IMMP2L: variants seen among roughly 807,000 people sequenced by gnomAD.
IMMP2L encodes mitochondrial inner membrane protease subunit 2.
A neutral mutation model predicts 19.3 loss-of-function variants in IMMP2L; 18 were observed. The observed-to-expected ratio is 0.93, with a 90% CI of 0.64 to 1.38. The LOEUF (loss-of-function observed/expected upper bound fraction) is 1.38. IMMP2L is among the 40% of genes most tolerant of loss of function. The pLI is 0.00. For missense variants in IMMP2L, 233 were observed against 218.2 expected, an observed-to-expected ratio of 1.07 and a Z score of -0.43; for synonymous variants, 76 against 73.0, an observed-to-expected ratio of 1.04 and a Z score of -0.21.
At chr7:111,280,173 C>T (rs1249294635) in intron 3 of IMMP2L, among the ~76,000 whole-genome samples, 9 of 152,160 alleles carry the variant, frequency 5.9e-5, no homozygotes, top group Admixed American at 5.9e-4. Context: ...TCATTATTCT[C>T]ATCCATCATT....
chr7:111,266,950 C>T (rs1817900785), intron 3 of IMMP2L, among the ~76,000 whole-genome samples: 1 of 152,060 alleles, frequency 6.6e-6, no homozygotes, highest in African/African-American at 2.4e-5. Context: ...AAGTCAAGGC[C>T]CGGGTGTCTT....
At chr7:111,037,211 A>G (rs1164806241) in intron 3 of IMMP2L, among the ~76,000 whole-genome samples, 2 of 152,192 alleles carry the variant, frequency 1.3e-5, no homozygotes, top group Non-Finnish European at 2.9e-5. Context: ...CCAAACTAAC[A>G]TATACATAGT....
At position 110,924,734 on chromosome 7, in the gene IMMP2L, A is replaced by G. The variant is rs1185798829; in HGVS notation, c.306-38039T>C. Among the ~76,000 whole-genome samples, 1 of 152,140 alleles carries G rather than the reference A, an allele frequency of 6.6e-6. No homozygotes were observed. Among genetic ancestry groups the G allele is most frequent in the Admixed American group, 6.6e-5 (1 of 15,244 alleles). On this transcript the variant is annotated intron_variant, in intron 4 of 5. Coordinates refer to ENST00000405709, the MANE Select transcript of IMMP2L (RefSeq NM_032549.4). This position sits in a 1 kb window ranked among gnomAD's most constrained non-coding sequence, Gnocchi z 4.2. ...TTCTTCTTTCAGTGCTTTGGAAGGTACAGGAACAGCATTTCCCACCTTTTA... is the reference window on the plus strand; with the variant it reads ...TTCTTCTTTCAGTGCTTTGGAAGGTGCAGGAACAGCATTTCCCACCTTTTA...
intron 5 of IMMP2L, among the ~76,000 whole-genome samples, chr7:110,684,972 A>T (rs548560209): frequency 6.6e-6 from 1 of 151,840 alleles, no homozygotes; most frequent in Admixed American, 6.6e-5. Context: ...GTGATTTTTA[A>T]TTTTTTTTCC....
chr7:111,556,470 T>C (rs1791373766), intron 1 of IMMP2L, among the ~76,000 whole-genome samples: 1 of 152,080 alleles, frequency 6.6e-6, no homozygotes, highest in African/African-American at 2.4e-5. Context: ...AGAACAATTA[T>C]CTCCTAAGAG....
intron 3 of IMMP2L, among the ~76,000 whole-genome samples, chr7:111,281,162 GAAA>G: frequency 4.4e-5 from 1 of 22,686 alleles, no homozygotes; most frequent in South Asian, 2.3e-3. Flanking sequence ...AAGACAGAAA[GAAA>G]GAAAGAAAGA....
intron 3 of IMMP2L, among the ~76,000 whole-genome samples, chr7:111,400,297 C>T (rs531185375): frequency 2.6e-5 from 4 of 152,242 alleles, no homozygotes; most frequent in African/African-American, 7.2e-5. Context: ...CAGTGACTAA[C>T]GATTGCAACA....
chr7:111,336,686 C>A (rs1826446958), intron 3 of IMMP2L, among the ~76,000 whole-genome samples: 1 of 151,908 alleles, frequency 6.6e-6, no homozygotes, highest in African/African-American at 2.4e-5. Context: ...ATTTCTTGCT[C>A]TTTCTCAATG....
chr7:110,723,269 T>A (rs1430271916), intron 5 of IMMP2L, among the ~76,000 whole-genome samples: 1 of 152,094 alleles, frequency 6.6e-6, no homozygotes, highest in African/African-American at 2.4e-5. Flanking sequence ...AACATTCCCC[T>A]CCAAGCAAAG....
chr7:110,731,530 G>A (rs546164036), intron 5 of IMMP2L, among the ~76,000 whole-genome samples: 47 of 152,208 alleles, frequency 3.1e-4, no homozygotes, highest in South Asian at 6.2e-4. Flanking sequence ...TAATTTGGGG[G>A]TGACACAGGA....
chr7:111,140,460 A>C (rs1802766504), intron 3 of IMMP2L, among the ~76,000 whole-genome samples: 1 of 152,200 alleles, frequency 6.6e-6, no homozygotes, highest in Non-Finnish European at 1.5e-5. Flanking sequence ...CAGGGTTCTG[A>C]AACCTAAATA....
At chr7:110,918,042 CCAA>C (rs1813821040) in intron 4 of IMMP2L, among the ~76,000 whole-genome samples, 1 of 152,196 alleles carries the variant, frequency 6.6e-6, no homozygotes, top group East Asian at 1.9e-4. Context: ...CACTTTACCA[CCAA>C]CAACAGGCCA....
chr7:110,774,135 C>G (rs531255142), intron 5 of IMMP2L, among the ~76,000 whole-genome samples: 13 of 151,836 alleles, frequency 8.6e-5, no homozygotes, highest in Non-Finnish European at 1.8e-4. Flanking sequence ...ATAGTTTTAC[C>G]AAATTTAAAA....
intron 5 of IMMP2L, among the ~76,000 whole-genome samples, chr7:110,841,853 A>G (rs1325992198): frequency 6.6e-6 from 1 of 152,160 alleles, no homozygotes; most frequent in Non-Finnish European, 1.5e-5. Flanking sequence ...AAATTCAACT[A>G]TTTCACCCTG....
At chr7:110,692,509 T>C (rs1201228705) in intron 5 of IMMP2L, among the ~76,000 whole-genome samples, 1 of 140,344 alleles carries the variant, frequency 7.1e-6, no homozygotes, top group Non-Finnish European at 1.6e-5. Flanking sequence ...AAAAAAAAGC[T>C]TTGCTTGGTA....
In IMMP2L at chr7:110,962,615, T is replaced by C. The variant is rs191081264; in HGVS notation, c.305+885A>G. The stretch of plus-strand genomic sequence containing the variant: ...AACGGCAAGTAACACTTTAGTATTA[T>C]TAGGAAAGTAGTTTTAATCTCATAG... On this transcript the variant is annotated intron_variant, in intron 4 of 5. Coordinates refer to ENST00000405709, the MANE Select transcript of IMMP2L (RefSeq NM_032549.4). 42 of 466,822 alleles carry C rather than the reference T, an allele frequency of 9.0e-5. No individual in the cohort carries two copies. The East Asian group carries it at 5.6e-3, about 62-fold the overall frequency. The allele number at this position is 466,822 out of a possible 1,614,324, so 28.9% of individuals were successfully genotyped here. A position where few individuals can be genotyped will look rare whatever the true frequency, so the allele number is the denominator to read the frequency against.
intron 5 of IMMP2L, among the ~76,000 whole-genome samples, chr7:110,865,162 G>A (rs1295322889): frequency 6.6e-6 from 1 of 151,666 alleles, no homozygotes; most frequent in African/African-American, 2.4e-5. Flanking sequence ...TACGTGTCAG[G>A]AAGCGCATAC....
chr7:111,016,794 A>AATATATAATATATAGTATAGATT (rs1825660847), intron 3 of IMMP2L, among the ~76,000 whole-genome samples: 1 of 72,318 alleles, frequency 1.4e-5, no homozygotes, highest in Admixed American at 2.7e-4. Context: ...TATACTATAT[A>AATATATAATATATAGTATAGATT]ATATATAATA....
At chr7:111,061,362 G>A (rs949078415) in intron 3 of IMMP2L, among the ~76,000 whole-genome samples, 5 of 152,196 alleles carry the variant, frequency 3.3e-5, no homozygotes, top group Admixed American at 2.0e-4. Flanking sequence ...GACTCGCTGA[G>A]CCTGGACTTT....
Sources: gnomAD v4.1 joint callset for allele counts (sites outside exome capture counted in the v4.1 genomes callset) on GRCh38, gnomAD v4.1.1 for gene constraint, Gnocchi (gnomAD v3.1) non-coding constraint, MANE v1.5 for transcripts, NCBI Gene and HGNC (gene_info 2026-07-23, HGNC 2026-07-21) for gene names.